The following SDR16C5 variants were observed in gnomAD, a reference collection of about 807,000 sequenced individuals.
The protein encoded by SDR16C5 is short chain dehydrogenase/reductase family 16C member 5.
SDR16C5 carries 20 observed loss-of-function variants against 27.7 expected under a neutral mutation model. That is an observed-to-expected ratio of 0.72 (90% CI 0.51 to 1.05). The LOEUF is 1.05. Ranked by LOEUF, SDR16C5 falls within the 50% of genes least tolerant of loss-of-function variation. SDR16C5 has a pLI of 0.00. For missense variants in SDR16C5, 374 were observed against 366.3 expected, an observed-to-expected ratio of 1.02 and a Z score of -0.17; for synonymous variants, 139 against 132.3, an observed-to-expected ratio of 1.05 and a Z score of -0.35.
rs772566563 is a variant in SDR16C5, at chr8:56,316,372, A to C, written c.-14-11T>G. On this transcript the variant is annotated splice_polypyrimidine_tract_variant and intron_variant, in intron 1 of 6. Coordinates refer to ENST00000303749, the MANE Select transcript of SDR16C5 (RefSeq NM_138969.4). The stretch of plus-strand genomic sequence containing the variant: ...TGTTCTGGCTGACACCTGTGAAGAA[A>C]GACAGATTCACATGAAGACTTATTT... 2 of 1,528,228 alleles carry C rather than the reference A, an allele frequency of 1.3e-6. No homozygotes were observed. Among genetic ancestry groups the C allele is most frequent in the Non-Finnish European group, 9.1e-7 (1 of 1,103,384 alleles). The allele number at this position is 1,528,228 out of a possible 1,614,324, so 94.7% of individuals were successfully genotyped here. A position where few individuals can be genotyped will look rare whatever the true frequency, so the allele number is the denominator to read the frequency against.
At chr8:56,310,650 G>A (rs897085323) in intron 3 of SDR16C5, among the ~76,000 whole-genome samples, 8 of 151,692 alleles carry the variant, frequency 5.3e-5, no homozygotes, top group Non-Finnish European at 8.8e-5. Context: ...CCCGGGAGGT[G>A]GAGGTTGCAG....
chr8:56,303,328 AAG>A (rs1164203522), intron 6 of SDR16C5, among the ~76,000 whole-genome samples: 1 of 151,494 alleles, frequency 6.6e-6, no homozygotes, highest in African/African-American at 2.4e-5. Flanking sequence ...AAAAAAAAAA[AAG>A]AAAAAAAAAA....
Position 56,320,058 on chromosome 8 carries a change from C to G in SDR16C5, c.-15+1G>C, listed in dbSNP as rs1396962926. On this transcript the variant is annotated splice_donor_variant, in intron 1 of 6. Transcript: ENST00000303749. LOFTEE classifies it low-confidence loss of function (5UTR_SPLICE). The stretch of plus-strand genomic sequence containing the variant: ...CAGGACCGACGACCTCGGCAACTTA[C>G]CCAGGACACTCTCCCTAGCTGTCCG... 2 of 152,562 alleles carry G rather than the reference C, an allele frequency of 1.3e-5. No individual in the cohort carries two copies. Among genetic ancestry groups the G allele is most frequent in the African/African-American group, 2.4e-5 (1 of 41,460 alleles). 9.5% of individuals were successfully genotyped at this position (152,562 alleles called of 1,614,324 possible).
rs907611337 is a variant in SDR16C5 at position 56,304,048 on chromosome 8, A to C, written c.836+1549T>G. On this transcript the variant is annotated intron_variant, in intron 6 of 6. Coordinates refer to ENST00000303749, the MANE Select transcript of SDR16C5 (RefSeq NM_138969.4). ...CCTTTGCTCTGTCCCACATAGCCTC[A>C]GTCAGGCATTCTGACCCATCCTGTG... 3 of 703,028 alleles carry C rather than the reference A, an allele frequency of 4.3e-6. No homozygotes were observed. In the Admixed American group the frequency reaches 6.0e-5, roughly 14 times the overall value. The allele number at this position is 703,028 out of a possible 1,614,324, so 43.5% of individuals were successfully genotyped here.
intron 1 of SDR16C5, among the ~76,000 whole-genome samples, chr8:56,316,931 C>T (rs1327149295): frequency 6.6e-6 from 1 of 152,200 alleles, no homozygotes; most frequent in Non-Finnish European, 1.5e-5. Context: ...ACCAGATGTT[C>T]TAGACCTTTT....
At chr8:56,318,516 C>T (rs1046087890) in intron 1 of SDR16C5, among the ~76,000 whole-genome samples, 2 of 152,140 alleles carry the variant, frequency 1.3e-5, no homozygotes, top group Non-Finnish European at 2.9e-5. Context: ...GCCTGGGCGT[C>T]GCCAACTTTG....
rs1316541480 is a variant in SDR16C5 at position 56,300,606 on chromosome 8, A to T, written c.*874T>A. The T allele has an allele frequency of 6.6e-6, 1 of 152,278 alleles. No individual in the cohort carries two copies. 9.4% of individuals were successfully genotyped at this position (152,278 alleles called of 1,614,324 possible). On this transcript the variant is annotated 3_prime_UTR_variant, in exon 7 of 7. Coordinates refer to ENST00000303749, the MANE Select transcript of SDR16C5 (RefSeq NM_138969.4). ...GCAGCACTGATGAATATAAATGCAT[A>T]AAATTGCCCATTCTGCAGGAAAATG...
chr8:56,309,015 A>G lies in SDR16C5; in HGVS notation c.478T>C (p.Phe160Leu). The change falls in exon 4 of 7, where the codon TTT becomes CTT. Residue 160 changes from phenylalanine to leucine, a missense_variant. Physicochemically the swap from Phe to Leu is conservative, Grantham distance 22 (BLOSUM62 0). Transcript: ENST00000303749. ...TCATTAGCAATCATAGCAGGTAGAA[A>G]GGCTTTATAAGTCTAAGAATACAAA... ...FKAHLWTYKA[F>L]LPAMIANDHG... The G allele has an allele frequency of 6.2e-7, 1 of 1,605,258 alleles. No homozygotes were observed. Among genetic ancestry groups the G allele is most frequent in the Non-Finnish European group, 8.5e-7 (1 of 1,176,552 alleles).
chr8:56,307,344 C>A (rs989058230), intron 4 of SDR16C5, among the ~76,000 whole-genome samples: 1 of 151,874 alleles, frequency 6.6e-6, no homozygotes, highest in African/African-American at 2.4e-5. Flanking sequence ...CTCTTAAATA[C>A]CTTGAAAATG....
rs1814718121 is a variant in SDR16C5 at position 56,300,284 on chromosome 8, C to T, written c.*1196G>A. 1 of 152,044 alleles carries T rather than the reference C, an allele frequency of 6.6e-6. No individual in the cohort carries two copies. Among genetic ancestry groups the T allele is most frequent in the African/African-American group, 2.4e-5 (1 of 41,394 alleles). The allele number at this position is 152,044 out of a possible 1,614,324, so 9.4% of individuals were successfully genotyped here. A position where few individuals can be genotyped will look rare whatever the true frequency, so the allele number is the denominator to read the frequency against. Reference sequence around the variant, plus strand: ...TAGTGGATTCCAGAGTTTACACCCCCTGAGACTGCTGCCCCTATGACAGCA... The same window carrying T: ...TAGTGGATTCCAGAGTTTACACCCCTTGAGACTGCTGCCCCTATGACAGCA... On this transcript the variant is annotated 3_prime_UTR_variant, in exon 7 of 7. Transcript: ENST00000303749.
intron 2 of SDR16C5, among the ~76,000 whole-genome samples, chr8:56,313,884 G>A (rs760850743): frequency 6.6e-6 from 1 of 152,080 alleles, no homozygotes; most frequent in Non-Finnish European, 1.5e-5. Flanking sequence ...CTTTCTCTTT[G>A]ATTGCTCGTC....
At chr8:56,308,519 G>A (rs975670874) in intron 4 of SDR16C5, among the ~76,000 whole-genome samples, 5 of 152,204 alleles carry the variant, frequency 3.3e-5, no homozygotes, top group Non-Finnish European at 7.3e-5. Context: ...ATCTTGAGGT[G>A]TAGAAACTTT....
intron 3 of SDR16C5, among the ~76,000 whole-genome samples, chr8:56,311,103 C>T (rs1349741299): frequency 6.6e-6 from 1 of 152,130 alleles, no homozygotes; most frequent in Non-Finnish European, 1.5e-5. Context: ...GAGAGCCTTG[C>T]CCAGGAATGA....
At position 56,316,236 on chromosome 8, in the gene SDR16C5, C is replaced by A; in HGVS notation, c.112G>T (p.Val38Phe). Residue 38 changes from valine to phenylalanine, a missense_variant, in exon 2 of 7, where the codon GTT becomes TTT. Physicochemically the swap from Val to Phe is conservative, Grantham distance 50 (BLOSUM62 -1). Transcript: ENST00000303749. ...GTGATGAGGACTATTTCACCAGCAA[C>A]GTTCTTCCGTGGCTTTGGGAGTAAG... ...FALLPKPRKN[V>F]AGEIVLITGA... 2 of 1,614,038 alleles carry A rather than the reference C, an allele frequency of 1.2e-6. No individual in the cohort carries two copies. The highest frequency in any genetic ancestry group is 2.2e-5 in the South Asian group (2 of 91,082).
chr8:56,316,546 C>T (rs944326569), intron 1 of SDR16C5, among the ~76,000 whole-genome samples, 185 bp from the exon 2 acceptor site: 8 of 152,200 alleles, frequency 5.3e-5, no homozygotes, highest in African/African-American at 9.6e-5. Flanking sequence ...TATACTTATT[C>T]GGCTTTCTTA....
chr8:56,303,816 C>A, intron 6 of SDR16C5: 1 of 606,000 alleles, frequency 1.7e-6, no homozygotes, highest in South Asian at 2.0e-5. Flanking sequence ...AATCTGCCAT[C>A]TATTAAGCAA....
At chr8:56,306,895 C>G (rs1814901310) in intron 4 of SDR16C5, 75 bp from the exon 5 acceptor site, 2 of 1,262,792 alleles carry the variant, frequency 1.6e-6, no homozygotes. Flanking sequence ...ACCCATAACG[C>G]TAACAGCGAC....
intron 1 of SDR16C5, among the ~76,000 whole-genome samples, 176 bp downstream of exon 1, chr8:56,319,883 C>A (rs564963871): frequency 1.4e-3 from 206 of 152,276 alleles, no homozygotes; most frequent in Non-Finnish European, 2.5e-3. Flanking sequence ...CGTGCGCTAC[C>A]CGGTGCAGCT....
intron 6 of SDR16C5, chr8:56,303,928 A>G (rs1384507852): frequency 8.5e-6 from 6 of 701,838 alleles, no homozygotes; most frequent in Admixed American, 2.0e-5. Flanking sequence ...GTAAATGAAG[A>G]AGCCAAGACC....
Sources: gnomAD v4.1 joint callset for allele counts (sites outside exome capture counted in the v4.1 genomes callset) on GRCh38, gnomAD v4.1.1 for gene constraint, MANE v1.5 for transcripts, NCBI Gene and HGNC (gene_info 2026-07-23, HGNC 2026-07-21) for gene names.